Variants in ABL1 observed in about 807,000 individuals in gnomAD.
ABL1 encodes the protein tyrosine-protein kinase ABL1.
Under a neutral mutation model 94.7 loss-of-function variants are expected in ABL1, and 11 were observed. That is an observed-to-expected ratio of 0.12 (90% CI 0.07 to 0.19). ABL1 has a LOEUF of 0.19. ABL1 is among the 10% of genes least tolerant of loss of function. The pLI is 1.00. For missense variants in ABL1, 1,082 were observed against 1,489.4 expected (o/e 0.73, Z 4.50); for synonymous variants, 656 against 622.4 (o/e 1.05, Z -0.80).
In ABL1 at chr9:130,825,842, G is replaced by A. The variant is rs568274397; in HGVS notation, c.137-28222G>A. 1.1e-4 allele frequency among the ~76,000 whole-genome samples: 16 copies of A among 152,356 alleles called. No homozygotes were observed. The East Asian group carries it at 3.1e-3, about 29-fold the overall frequency. On this transcript the variant is annotated intron_variant, in intron 1 of 10. Transcript: ENST00000372348. ...TTATAATTAAACCTTAAGGTACAGTGTTGTAACTGGATTTAAGAATTTAGA... is the reference window on the plus strand; with the variant it reads ...TTATAATTAAACCTTAAGGTACAGTATTGTAACTGGATTTAAGAATTTAGA...
At chr9:130,767,751 G>A (rs1285458100) in intron 1 of ABL1, among the ~76,000 whole-genome samples, 1 of 152,226 alleles carries the variant, frequency 6.6e-6, no homozygotes, top group Non-Finnish European at 1.5e-5. Flanking sequence ...AAGTGCACGT[G>A]TGCATGTGTG....
rs1407243388 is a variant in ABL1, at chr9:130,872,502, G to C, written c.907+289G>C. Among the ~76,000 whole-genome samples, 1 of 152,222 alleles carries C rather than the reference G, an allele frequency of 6.6e-6. No individual in the cohort carries two copies. Among genetic ancestry groups the C allele is most frequent in the African/African-American group, 2.4e-5 (1 of 41,450 alleles). On this transcript the variant is annotated intron_variant, in intron 5 of 10. Transcript: ENST00000318560. This position sits in a 1 kb window ranked among gnomAD's most constrained non-coding sequence, Gnocchi z 5.0. The stretch of plus-strand genomic sequence containing the variant: ...GTTTCTGAAACTTGGGCATTTTCCA[G>C]AGTTTTCTCACTGAAGTGATTCTGT...
upstream of ABL1, chr9:130,834,873 G>C (rs1830538463): frequency 2.2e-6 from 1 of 456,052 alleles, no homozygotes; most frequent in African/African-American, 2.0e-5. Context: ...ATTTTCACCA[G>C]CGTTCTCGGG....
chr9:130,717,462 G>C (rs1213582453), intron 1 of ABL1, among the ~76,000 whole-genome samples: 1 of 152,084 alleles, frequency 6.6e-6, no homozygotes, highest in Non-Finnish European at 1.5e-5. Flanking sequence ...CCAGCACTTT[G>C]GGAGGCCGAG....
chr9:130,801,641 A>C (rs1002132681), intron 1 of ABL1, among the ~76,000 whole-genome samples: 1 of 152,174 alleles, frequency 6.6e-6, no homozygotes, highest in Non-Finnish European at 1.5e-5. Flanking sequence ...AGAGGTTGAC[A>C]AGTTTTTTGG....
chr9:130,745,743 T>A (rs1219432587), intron 1 of ABL1, among the ~76,000 whole-genome samples: 1 of 152,124 alleles, frequency 6.6e-6, no homozygotes, highest in African/African-American at 2.4e-5. Context: ...ATTTTTTTAA[T>A]CTCATGAACT....
Position 130,883,495 on chromosome 9 carries a change from C to CAA in ABL1, c.1679-460_1679-459dup, listed in dbSNP as rs796536168. Among the ~76,000 whole-genome samples, 526 of 122,232 alleles carry CAA rather than the reference C, an allele frequency of 4.3e-3. 4 individuals carry two copies. Among genetic ancestry groups the CAA allele is most frequent in the African/African-American group, 0.014 (484 of 34,210 alleles). 80.2% of individuals were successfully genotyped at this position (122,232 alleles called of 152,430 possible). ...GTAGGCAACAAGCGAGACTCCAACT[C>CAA]AAAAAAAAAAAAAAACCACACACAC... On this transcript the variant is annotated intron_variant, in intron 10 of 10. Coordinates refer to ENST00000318560, the MANE Select transcript of ABL1 (RefSeq NM_005157.6).
chr9:130,884,173 C>T lies in ABL1; in HGVS notation c.1883C>T (p.Pro628Leu), dbSNP rs755654666. The T allele has an allele frequency of 8.1e-6, 13 of 1,613,088 alleles. No individual in the cohort carries two copies. Among genetic ancestry groups the T allele is most frequent in the South Asian group, 2.2e-5 (2 of 91,024 alleles). ...SSSFREMDGQPERRGAGEEEG... is the reference protein window; with the variant it reads ...SSSFREMDGQLERRGAGEEEG... The stretch of plus-strand genomic sequence containing the variant: ...TCCTTCCGGGAGATGGACGGCCAGC[C>T]GGAGCGCAGAGGGGCCGGCGAGGAA... Residue 628 changes from proline to leucine, a missense_variant, in exon 11 of 11, where the codon CCG becomes CTG. Physicochemically the swap from Pro to Leu is moderately conservative, Grantham distance 98. Transcript: ENST00000318560. The surrounding 1 kb of genome is among the most constrained non-coding windows in gnomAD (Gnocchi z 5.6).
At chr9:130,837,984 C>T (rs913533758) in intron 1 of ABL1, among the ~76,000 whole-genome samples, 1 of 152,244 alleles carries the variant, frequency 6.6e-6, no homozygotes, top group Non-Finnish European at 1.5e-5. Flanking sequence ...TGCATGCTAC[C>T]TGCTACTCAG....
rs1160193668 is a variant in ABL1 at position 130,727,748 on chromosome 9, A to AC, written c.136+13295dup. 5.5e-4 allele frequency among the ~76,000 whole-genome samples: 52 copies of AC among 93,994 alleles called. 2 individuals carry two copies. Among genetic ancestry groups the AC allele is most frequent in the African/African-American group, 2.1e-3 (32 of 15,470 alleles). The allele number at this position is 93,994 out of a possible 152,430, so 61.7% of individuals were successfully genotyped here. On this transcript the variant is annotated intron_variant, in intron 1 of 10. Coordinates refer to the ABL1 transcript ENST00000372348. ...TCCAGCCTGGGTGACAGAGTGAGACACCGCCCCCCCCCCCCAAAAAAAAGC... is the reference window on the plus strand; with the variant it reads ...TCCAGCCTGGGTGACAGAGTGAGACACCCGCCCCCCCCCCCCAAAAAAAAGC...
rs770094051 is a variant in ABL1 at position 130,809,407 on chromosome 9, AGAGAGAGAGAGTGT to A, written c.137-44655_137-44642del. On this transcript the variant is annotated intron_variant, in intron 1 of 10. Coordinates refer to the ABL1 transcript ENST00000372348. ...GAGAGAGAGAGAGAGAGAGAGAGAG[AGAGAGAGAGAGTGT>A]GTGTGTGTGTGTGTGTGTGTGTGCA... Among the ~76,000 whole-genome samples the A allele has an allele frequency of 1.0e-3, 130 of 124,138 alleles. 1 individual carries two copies. The highest frequency in any genetic ancestry group is 2.9e-3 in the African/African-American group (106 of 36,114). The allele number at this position is 124,138 out of a possible 152,430, so 81.4% of individuals were successfully genotyped here.
chr9:130,851,332 C>T (rs1036309860), intron 1 of ABL1, among the ~76,000 whole-genome samples: 1 of 152,012 alleles, frequency 6.6e-6, no homozygotes, highest in African/African-American at 2.4e-5. Flanking sequence ...TATCTTTGCC[C>T]CCCGCCATTC....
At chr9:130,727,334 T>C (rs1249767173) in intron 1 of ABL1, among the ~76,000 whole-genome samples, 1 of 152,036 alleles carries the variant, frequency 6.6e-6, no homozygotes, top group Non-Finnish European at 1.5e-5. Context: ...CCCAAAGTGC[T>C]GGGATTACAG....
chr9:130,844,630 G>A (rs953697913), intron 1 of ABL1, among the ~76,000 whole-genome samples: 10 of 152,138 alleles, frequency 6.6e-5, no homozygotes, highest in Middle Eastern at 3.4e-3. Flanking sequence ...GTGAAACCCC[G>A]TCTTTACTAA....
intron 1 of ABL1, among the ~76,000 whole-genome samples, chr9:130,744,182 G>T (rs1016058411): frequency 1.3e-5 from 2 of 149,006 alleles, no homozygotes; most frequent in Non-Finnish European, 3.0e-5. Flanking sequence ...GCTCTCTTTC[G>T]CTAGGCTGGG....
intron 1 of ABL1, among the ~76,000 whole-genome samples, chr9:130,796,183 T>A (rs1253675268): frequency 6.6e-6 from 1 of 151,840 alleles, no homozygotes; most frequent in Non-Finnish European, 1.5e-5. Context: ...AAAAAAATAA[T>A]AATAAGATAA....
chr9:130,835,618 C>T lies in ABL1; in HGVS notation c.79+93C>T. ...AGGCCTCGCCGCCCGCGCGCTCCCG[C>T]CTGCGCCCTCCCCGGGTCTTGTCTT... On this transcript the variant is annotated intron_variant, in intron 1 of 10. Coordinates refer to ENST00000318560, the MANE Select transcript of ABL1 (RefSeq NM_005157.6). This position sits in a 1 kb window ranked among gnomAD's most constrained non-coding sequence, Gnocchi z 4.6. 1.1e-6 allele frequency: 1 copy of T among 943,856 alleles called. No individual in the cohort carries two copies. Among genetic ancestry groups the T allele is most frequent in the Non-Finnish European group, 1.6e-6 (1 of 611,636 alleles). The allele number at this position is 943,856 out of a possible 1,614,324, so 58.5% of individuals were successfully genotyped here. A position where few individuals can be genotyped will look rare whatever the true frequency, so the allele number is the denominator to read the frequency against.
At position 130,735,961 on chromosome 9, in the gene ABL1, A is replaced by ATATTTTTTTTT. The variant is rs573602038; in HGVS notation, c.136+21507_136+21508insATTTTTTTTTT. ...TATATATATATATATATATATATAT[A>ATATTTTTTTTT]TTTTTTTTTTTTAAGACAGGGTCTG... is the stretch of plus-strand genomic sequence containing the variant. On this transcript the variant is annotated intron_variant, in intron 1 of 10. Transcript: ENST00000372348. 2.8e-3 allele frequency among the ~76,000 whole-genome samples: 263 copies of ATATTTTTTTTT among 94,808 alleles called. 3 individuals carry two copies. Among genetic ancestry groups the ATATTTTTTTTT allele is most frequent in the African/African-American group, 0.012 (181 of 15,674 alleles). The allele number at this position is 94,808 out of a possible 152,430, so 62.2% of individuals were successfully genotyped here.
At chr9:130,736,530 G>T (rs1354536031) in intron 1 of ABL1, among the ~76,000 whole-genome samples, 10 of 151,910 alleles carry the variant, frequency 6.6e-5, no homozygotes, top group African/African-American at 2.2e-4. Flanking sequence ...CGCTCTTGTT[G>T]TCCAGGCTGG....
Sources: gnomAD v4.1 joint callset for allele counts (sites outside exome capture counted in the v4.1 genomes callset) on GRCh38, gnomAD v4.1.1 for gene constraint, Gnocchi (gnomAD v3.1) non-coding constraint, MANE v1.5 for transcripts, NCBI Gene and HGNC (gene_info 2026-07-23, HGNC 2026-07-21) for gene names.